The following RANBP2 variants were observed in gnomAD, a reference collection of about 807,000 sequenced individuals.
RANBP2 encodes E3 SUMO-protein ligase RanBP2.
RANBP2 carries 57 observed loss-of-function variants against 303.6 expected under a neutral mutation model. The ratio of observed to expected loss-of-function variants is 0.19; its 90% confidence interval spans 0.15 to 0.23. RANBP2 has a LOEUF of 0.23. Ranked by LOEUF, RANBP2 falls within the 10% of genes least tolerant of loss-of-function variation. RANBP2 has a pLI of 1.00. For synonymous variants in RANBP2, 1,167 were observed against 1,301.5 expected, an observed-to-expected ratio of 0.90 and a Z score of 2.23; for missense variants, 3,138 against 3,780.8, an observed-to-expected ratio of 0.83 and a Z score of 4.46.
chr2:109,419,772 G>C, the RANBP2 span: 22 of 780,542 alleles, frequency 2.8e-5, no homozygotes, highest in African/African-American at 3.7e-4. Flanking sequence ...AGTTATGTGC[G>C]TCTAATAACA....
At chr2:109,053,461 GT>G in the RANBP2 span, among the ~76,000 whole-genome samples, 1 of 152,176 alleles carries the variant, frequency 6.6e-6, no homozygotes, top group Admixed American at 6.5e-5. Context: ...AGCTTATCAT[GT>G]TCCTCCCGGG....
the RANBP2 span, among the ~76,000 whole-genome samples, chr2:109,332,283 C>T: frequency 3.9e-5 from 6 of 152,092 alleles, no homozygotes; most frequent in African/African-American, 1.2e-4. Flanking sequence ...CCCTCTGGCA[C>T]GCCAACTCTC....
chr2:109,030,284 C>T, the RANBP2 span, among the ~76,000 whole-genome samples: 3 of 152,176 alleles, frequency 2.0e-5, no homozygotes, highest in Non-Finnish European at 2.9e-5. Context: ...TCAACATTTT[C>T]CCACTGAAGA....
At chr2:109,576,583 T>C in the RANBP2 span, among the ~76,000 whole-genome samples, 1 of 152,134 alleles carries the variant, frequency 6.6e-6, no homozygotes, top group East Asian at 1.9e-4. Context: ...TGGGAAAAAT[T>C]AATCTGTTAA....
chr2:109,613,987 G>GA, the RANBP2 span: 1 of 1,197,448 alleles, frequency 8.4e-7, no homozygotes, highest in Non-Finnish European at 1.0e-6. Context: ...GGCCGAGCTG[G>GA]AGGCCTCCGG....
chr2:109,472,991 C>A, the RANBP2 span, among the ~76,000 whole-genome samples: 37 of 152,206 alleles, frequency 2.4e-4, no homozygotes, highest in African/African-American at 8.4e-4. Flanking sequence ...ACTCGTGGGG[C>A]CTTTCCTACC....
the RANBP2 span, among the ~76,000 whole-genome samples, chr2:108,972,710 C>A: frequency 1.3e-5 from 2 of 152,248 alleles, no homozygotes; most frequent in East Asian, 3.8e-4. Flanking sequence ...AAATAAGCAG[C>A]CCTCATCTGA....
the RANBP2 span, chr2:108,906,478 C>G: frequency 3.3e-5 from 36 of 1,105,024 alleles, no homozygotes; most frequent in Non-Finnish European, 4.4e-5. Context: ...ACACCAGAGA[C>G]GCTGCACACA....
At chr2:109,220,961 G>A in the RANBP2 span, among the ~76,000 whole-genome samples, 1 of 152,216 alleles carries the variant, frequency 6.6e-6, no homozygotes, top group Admixed American at 6.5e-5. Context: ...AAACAGATAT[G>A]TGTACACCAA....
At chr2:109,148,712 C>A in the RANBP2 span, among the ~76,000 whole-genome samples, 1 of 152,164 alleles carries the variant, frequency 6.6e-6, no homozygotes, top group African/African-American at 2.4e-5. Context: ...AGAAGCAGAG[C>A]GTAATGTGTA....
At chr2:109,511,119 G>A in the RANBP2 span, among the ~76,000 whole-genome samples, 2 of 152,200 alleles carry the variant, frequency 1.3e-5, no homozygotes, top group African/African-American at 2.4e-5. Flanking sequence ...GGGCAAAGAG[G>A]TGCGGCACCT....
chr2:109,718,001 G>A, the RANBP2 span, among the ~76,000 whole-genome samples: 2 of 152,134 alleles, frequency 1.3e-5, no homozygotes, highest in African/African-American at 4.8e-5. Flanking sequence ...TTAACAAAAT[G>A]AGCAAAACTT....
At chr2:109,758,268 C>T in the RANBP2 span, among the ~76,000 whole-genome samples, 1 of 15,102 alleles carries the variant, frequency 6.6e-5, no homozygotes, top group Admixed American at 8.7e-4. Context: ...ACTAGCTGGG[C>T]GTGGTGGTGC....
chr2:108,780,036 C>G (rs1220610463), intron 25 of RANBP2, among the ~76,000 whole-genome samples: 1 of 152,090 alleles, frequency 6.6e-6, no homozygotes. Flanking sequence ...TAAAAAGAAC[C>G]TACTTCTTTA....
chr2:109,203,313 A>G, the RANBP2 span, among the ~76,000 whole-genome samples: 4 of 152,344 alleles, frequency 2.6e-5, no homozygotes, highest in South Asian at 6.2e-4. Context: ...AGGTGGACGC[A>G]GCAGACAGTG....
the RANBP2 span, among the ~76,000 whole-genome samples, chr2:109,431,231 A>T: frequency 6.6e-6 from 1 of 152,214 alleles, no homozygotes; most frequent in Non-Finnish European, 1.5e-5. Flanking sequence ...GCCGCTGGAT[A>T]GGGTCAGCAT....
At chr2:109,590,834 GGTCTCTAGGAGCTGACAACAACCCCCA>G in the RANBP2 span, among the ~76,000 whole-genome samples, 1 of 152,126 alleles carries the variant, frequency 6.6e-6, no homozygotes, top group Non-Finnish European at 1.5e-5. Flanking sequence ...AGAATGGAGT[GGTCTCTAGGAGCTGACAACAACCCCCA>G]GCCAGCAGGG....
At chr2:109,702,829 C>T in the RANBP2 span, among the ~76,000 whole-genome samples, 16 of 149,020 alleles carry the variant, frequency 1.1e-4, no homozygotes, top group African/African-American at 2.5e-4. Context: ...ATTGCAACTA[C>T]GTCATAGGTA....
the RANBP2 span, among the ~76,000 whole-genome samples, chr2:109,263,305 G>A: frequency 6.6e-6 from 1 of 152,126 alleles, no homozygotes; most frequent in African/African-American, 2.4e-5. Flanking sequence ...AGCTTTCGTT[G>A]CTATTTTCTA....
Sources: gnomAD v4.1 joint callset for allele counts (sites outside exome capture counted in the v4.1 genomes callset) on GRCh38, gnomAD v4.1.1 for gene constraint, MANE v1.5 for transcripts, NCBI Gene and HGNC (gene_info 2026-07-23, HGNC 2026-07-21) for gene names.